Variants in ELL2 observed in about 807,000 individuals in gnomAD.
The protein encoded by ELL2 is elongation factor for RNA polymerase II 2, also known as RNA polymerase II elongation factor ELL2.
Under a neutral mutation model 72.8 loss-of-function variants are expected in ELL2, and 21 were observed. The ratio of observed to expected loss-of-function variants is 0.29; its 90% CI spans 0.20 to 0.42. ELL2 has a LOEUF of 0.42. Ranked by LOEUF, ELL2 falls within the 10% of genes least tolerant of loss-of-function variation. The pLI is 1.00. For synonymous variants in ELL2, 266 were observed against 283.2 expected (o/e 0.94, Z 0.61); for missense variants, 568 against 772.8 (o/e 0.73, Z 3.14).
intron 4 of ELL2, among the ~76,000 whole-genome samples, chr5:95,911,214 T>C (rs1412149837): frequency 6.6e-6 from 1 of 150,856 alleles, no homozygotes; most frequent in Non-Finnish European, 1.5e-5. Context: ...TGGCAATGGA[T>C]AAGGTTAAAA....
At chr5:95,929,418 C>T (rs1447760350) in intron 2 of ELL2, among the ~76,000 whole-genome samples, 1 of 152,058 alleles carries the variant, frequency 6.6e-6, no homozygotes, top group African/African-American at 2.4e-5. Context: ...ACCACCACAT[C>T]CGGCTAATTT....
chr5:95,912,197 T>C (rs181715466), intron 4 of ELL2, among the ~76,000 whole-genome samples: 237 of 152,280 alleles, frequency 1.6e-3, no homozygotes, highest in African/African-American at 4.9e-3. Context: ...CTTGACTCTT[T>C]GAAAACAAAC....
At chr5:95,920,298 T>TATTTA (rs1750003981) in intron 2 of ELL2, among the ~76,000 whole-genome samples, 1 of 147,642 alleles carries the variant, frequency 6.8e-6, no homozygotes, top group Admixed American at 6.8e-5. Context: ...TTTATTTATT[T>TATTTA]ATTTATTTAT....
chr5:95,914,030 T>A, intron 3 of ELL2, 96 bp from the exon 4 acceptor site: 1 of 1,156,560 alleles, frequency 8.6e-7, no homozygotes, highest in Non-Finnish European at 1.2e-6. Flanking sequence ...GCAGCCCAAC[T>A]AAGTTTGCAA....
At chr5:95,898,975 A>T (rs1381131353) in intron 7 of ELL2, among the ~76,000 whole-genome samples, 165 bp from the exon 8 acceptor site, 48 of 152,034 alleles carry the variant, frequency 3.2e-4, no homozygotes, top group Non-Finnish European at 2.9e-5. Context: ...ACAAACAAAC[A>T]AAAAACCCAA....
At position 95,891,160 on chromosome 5, in the gene ELL2, T is replaced by C. The variant is rs771657251; in HGVS notation, c.1704A>G (p.Arg568=). The C allele has an allele frequency of 3.1e-6, 5 of 1,614,060 alleles. No homozygotes were observed. The South Asian group carries it at 4.4e-5, about 14-fold the overall frequency. Residue 568 remains arginine, a synonymous_variant, in exon 10 of 12, where the codon AGA becomes AGG. Transcript: ENST00000237853. ...TTCTTTGTGCATCTAGTTTGATAAATCTTCTAGCTACAGTCTCCATCCTGG... is the reference window on the plus strand; with the variant it reads ...TTCTTTGTGCATCTAGTTTGATAAACCTTCTAGCTACAGTCTCCATCCTGG... ...LHARMETVAR[R]FIKLDAQRKR... is the part of the protein sequence containing the mutation.
At chr5:95,919,106 A>G (rs2112309975) in intron 3 of ELL2, among the ~76,000 whole-genome samples, 1 of 152,240 alleles carries the variant, frequency 6.6e-6, no homozygotes, top group Middle Eastern at 3.4e-3. Flanking sequence ...AAATTCAATG[A>G]ATTAAATATT....
intron 5 of ELL2, among the ~76,000 whole-genome samples, chr5:95,903,567 C>T (rs1749229762): frequency 1.3e-5 from 2 of 152,052 alleles, no homozygotes; most frequent in Non-Finnish European, 2.9e-5. Context: ...TCTCAATCCT[C>T]TATATGTTGA....
At chr5:95,949,475 CT>C (rs1751293504) in intron 1 of ELL2, among the ~76,000 whole-genome samples, 1 of 152,172 alleles carries the variant, frequency 6.6e-6, no homozygotes, top group East Asian at 1.9e-4. Flanking sequence ...TTATAGAGAT[CT>C]TTCCAACTTT....
intron 4 of ELL2, among the ~76,000 whole-genome samples, chr5:95,909,134 G>A (rs554753365): frequency 6.6e-6 from 1 of 152,250 alleles, no homozygotes; most frequent in Non-Finnish European, 1.5e-5. Flanking sequence ...ACAAATAAGG[G>A]AGGCTAACTT....
At chr5:95,950,521 C>T (rs1050807113) in intron 1 of ELL2, among the ~76,000 whole-genome samples, 2 of 152,052 alleles carry the variant, frequency 1.3e-5, no homozygotes, top group African/African-American at 4.8e-5. Context: ...TAGAATAATA[C>T]ATGATATGAA....
In ELL2 at chr5:95,924,732, A is replaced by G. The variant is rs150578649; in HGVS notation, c.196-5187T>C. ...ACCACAATCCACAACCCTCCTCCCA[A>G]CCTCCTGTCTGTCTTTGATAAAAAG... On this transcript the variant is annotated intron_variant, in intron 2 of 11. Transcript: ENST00000237853. Among the ~76,000 whole-genome samples, 736 of 152,194 alleles carry G rather than the reference A, an allele frequency of 4.8e-3. 8 individuals carry two copies. Among genetic ancestry groups the G allele is most frequent in the African/African-American group, 0.017 (712 of 41,522 alleles).
At chr5:95,938,978 GCTAC>G (rs1188932065) in intron 2 of ELL2, among the ~76,000 whole-genome samples, 1 of 152,088 alleles carries the variant, frequency 6.6e-6, no homozygotes, top group African/African-American at 2.4e-5. Flanking sequence ...ACTCTGTAAG[GCTAC>G]CACATGCCAG....
chr5:95,890,818 C>A (rs888024746), intron 10 of ELL2: 4 of 418,800 alleles, frequency 9.6e-6, no homozygotes, highest in African/African-American at 8.1e-5. Context: ...TTAGCTGAAT[C>A]TCAAGATCCA....
At position 95,913,939 on chromosome 5, in the gene ELL2, CAAGT is replaced by C. The variant is rs1338838246; in HGVS notation, c.318-9_318-6del. 1.3e-6 allele frequency: 2 copies of C among 1,580,568 alleles called. No individual in the cohort carries two copies. The highest frequency in any genetic ancestry group is 2.3e-5 in the South Asian group (2 of 86,268). ...TTGAGCTGGGAGGCTCCAGAGCTGT[CAAGT>C]AAGTCAGTGGCTTTGTTAGACATGA... On this transcript the variant is annotated splice_region_variant and splice_polypyrimidine_tract_variant and intron_variant, in intron 3 of 11. Coordinates refer to ENST00000237853, the MANE Select transcript of ELL2 (RefSeq NM_012081.6).
chr5:95,935,945 T>C (rs6889034), intron 2 of ELL2, among the ~76,000 whole-genome samples: 2,357 of 152,326 alleles, frequency 0.015, 61 homozygotes, highest in African/African-American at 0.054. Context: ...TAAAATTTTT[T>C]AAATAGTTGA....
At chr5:95,956,663 T>C (rs1172150788) in intron 1 of ELL2, among the ~76,000 whole-genome samples, 1 of 152,126 alleles carries the variant, frequency 6.6e-6, no homozygotes, top group Non-Finnish European at 1.5e-5. Flanking sequence ...TCTTAAACTA[T>C]AATGAATCAA....
chr5:95,907,281 TA>T (rs1310965761), intron 4 of ELL2, among the ~76,000 whole-genome samples: 5 of 110,466 alleles, frequency 4.5e-5, no homozygotes, highest in African/African-American at 1.9e-4. Flanking sequence ...GTTAGTGATA[TA>T]TATATATATA....
At chr5:95,937,052 G>A (rs910957155) in intron 2 of ELL2, among the ~76,000 whole-genome samples, 12 of 152,168 alleles carry the variant, frequency 7.9e-5, no homozygotes, top group Admixed American at 6.5e-5. Flanking sequence ...TTAACTCATT[G>A]CTAAGAATAC....
Sources: gnomAD v4.1 joint callset for allele counts (sites outside exome capture counted in the v4.1 genomes callset) on GRCh38, gnomAD v4.1.1 for gene constraint, MANE v1.5 for transcripts, NCBI Gene and HGNC (gene_info 2026-07-23, HGNC 2026-07-21) for gene names.